Variants in RALGPS2 observed in about 807,000 individuals in gnomAD.
RALGPS2 encodes the protein ras-specific guanine nucleotide-releasing factor RalGPS2.
RALGPS2 carries 43 observed loss-of-function variants against 86.8 expected under a neutral mutation model. The ratio of observed to expected loss-of-function variants is 0.50; its 90% CI spans 0.39 to 0.64. The LOEUF is 0.64. RALGPS2 is among the 30% of genes least tolerant of loss of function. The pLI is 0.00. For missense variants in RALGPS2, 536 were observed against 694.6 expected (o/e 0.77, Z 2.57); for synonymous variants, 243 against 231.3 (o/e 1.05, Z -0.46).
intron 1 of RALGPS2, among the ~76,000 whole-genome samples, chr1:178,738,185 T>C (rs1396229307): frequency 6.6e-6 from 1 of 151,958 alleles, no homozygotes; most frequent in Non-Finnish European, 1.5e-5. Context: ...TCAGTTTTAT[T>C]TTCTAATAGA....
chr1:178,776,431 G>A (rs925826089), intron 1 of RALGPS2, among the ~76,000 whole-genome samples: 4 of 152,022 alleles, frequency 2.6e-5, no homozygotes, highest in African/African-American at 7.2e-5. Flanking sequence ...CCCACTTAGC[G>A]AAAAGTTATG....
intron 4 of RALGPS2, among the ~76,000 whole-genome samples, chr1:178,803,946 T>C (rs559958293): frequency 2.5e-4 from 38 of 152,306 alleles, no homozygotes; most frequent in Admixed American, 8.5e-4. Context: ...CTCCAGAGTA[T>C]CTTGAGTCTA....
chr1:178,730,291 T>A (rs1650263092), intron 1 of RALGPS2, among the ~76,000 whole-genome samples: 1 of 152,180 alleles, frequency 6.6e-6, no homozygotes, highest in Admixed American at 6.5e-5. Context: ...TCTGTTGGCT[T>A]TCTTCTGTGG....
intron 16 of RALGPS2, 48 bp downstream of exon 16, chr1:178,894,072 A>G (rs751573338): frequency 9.1e-7 from 1 of 1,094,316 alleles, no homozygotes; most frequent in Non-Finnish European, 1.3e-6. Context: ...AAAATATGCA[A>G]ATTTATAAGA....
At chr1:178,912,349 C>A (rs1660658833) in intron 19 of RALGPS2, among the ~76,000 whole-genome samples, 1 of 152,148 alleles carries the variant, frequency 6.6e-6, no homozygotes, top group Non-Finnish European at 1.5e-5. Context: ...ACATGTAGCA[C>A]TCCTTAAAGG....
chr1:178,750,014 G>A (rs912068960), intron 1 of RALGPS2, among the ~76,000 whole-genome samples: 3 of 152,128 alleles, frequency 2.0e-5, no homozygotes, highest in Admixed American at 2.0e-4. Context: ...GGAGGGCTGA[G>A]GTGGGAGGAT....
At chr1:178,759,434 A>G (rs114377382) in intron 1 of RALGPS2, among the ~76,000 whole-genome samples, 137 of 149,636 alleles carry the variant, frequency 9.2e-4, no homozygotes, top group Non-Finnish European at 1.7e-3. Context: ...CAATTGGTCT[A>G]TTTCTATGTT....
intron 1 of RALGPS2, among the ~76,000 whole-genome samples, chr1:178,771,526 T>C (rs1366593473): frequency 6.6e-6 from 1 of 152,190 alleles, no homozygotes; most frequent in South Asian, 2.1e-4. Context: ...ATAATTTTGA[T>C]GTACTCAGTT....
chr1:178,894,632 C>G (rs1190341354), intron 16 of RALGPS2, among the ~76,000 whole-genome samples: 1 of 151,970 alleles, frequency 6.6e-6, no homozygotes, highest in Non-Finnish European at 1.5e-5. Flanking sequence ...ATTTTAAAAC[C>G]TGTGAATTGT....
chr1:178,737,618 C>T lies in RALGPS2; in HGVS notation c.-84+12199C>T, dbSNP rs28693998. On this transcript the variant is annotated intron_variant, in intron 1 of 19. Coordinates refer to ENST00000367635, the MANE Select transcript of RALGPS2 (RefSeq NM_152663.5). The stretch of plus-strand genomic sequence containing the variant: ...CTACTGTGAGTCCTAGATAGCCTTT[C>T]CTATGTCAGAATATATTTTAAAATT... Among the ~76,000 whole-genome samples, 3 of 152,176 alleles carry T rather than the reference C, an allele frequency of 2.0e-5. No homozygotes were observed. In the South Asian group the frequency reaches 6.2e-4, roughly 32 times the overall value.
At chr1:178,805,792 T>G (rs1209597704) in intron 4 of RALGPS2, among the ~76,000 whole-genome samples, 1 of 152,192 alleles carries the variant, frequency 6.6e-6, no homozygotes, top group Non-Finnish European at 1.5e-5. Flanking sequence ...CAATTTTGAC[T>G]AAGTAACTAT....
At chr1:178,747,573 T>C (rs1651407026) in intron 1 of RALGPS2, 1 of 1,611,266 alleles carries the variant, frequency 6.2e-7, no homozygotes, top group Non-Finnish European at 8.5e-7. Context: ...CAGCATGTGT[T>C]AGGAAGTGGA....
At chr1:178,805,488 T>C (rs943160316) in intron 4 of RALGPS2, among the ~76,000 whole-genome samples, 3 of 151,548 alleles carry the variant, frequency 2.0e-5, no homozygotes, top group South Asian at 2.1e-4. Flanking sequence ...GTTTCAGCTT[T>C]CTACATATGG....
At chr1:178,855,979 AATAT>A (rs987034636) in intron 8 of RALGPS2, among the ~76,000 whole-genome samples, 1 of 148,424 alleles carries the variant, frequency 6.7e-6, no homozygotes, top group African/African-American at 2.5e-5. Context: ...ACAAAAAAGT[AATAT>A]ATATAAGAAC....
At chr1:178,889,576 C>A (rs10798635) in intron 13 of RALGPS2, 66 bp from the exon 14 acceptor site, 413,279 of 1,032,398 alleles carry the variant, frequency 0.4, 87,207 homozygotes, top group African/African-American at 0.66. Flanking sequence ...TTTATTTTTA[C>A]ATTGTGAAAT....
chr1:178,894,022 A>G lies in RALGPS2; in HGVS notation c.1429A>G (p.Thr477Ala). Residue 477 changes from threonine (T) to alanine (A), a missense_variant and splice_region_variant, in exon 16 of 20, where the codon ACA becomes GCA. By Grantham distance (58) the Thr-to-Ala change is moderately conservative. This residue lies in a region of RALGPS2 where 309 missense variants were observed against 363.0 expected (regional missense o/e 0.85). Coordinates refer to ENST00000367635, the MANE Select transcript of RALGPS2 (RefSeq NM_152663.5). The stretch of plus-strand genomic sequence containing the variant: ...TTTGTTAAAAGAAGGCAAAAAGCCT[A>G]CAGTAAGATTTCATCATATTATATT... Reference protein sequence around the residue: ...KTLLKEGKKPTVASWTKYWAA... With the variant: ...KTLLKEGKKPAVASWTKYWAA... The G allele has an allele frequency of 6.4e-7, 1 of 1,551,754 alleles. No homozygotes were observed. Among genetic ancestry groups the G allele is most frequent in the Non-Finnish European group, 8.9e-7 (1 of 1,128,706 alleles).
chr1:178,839,179 T>G (rs1259792145), intron 8 of RALGPS2, among the ~76,000 whole-genome samples: 1 of 152,066 alleles, frequency 6.6e-6, no homozygotes, highest in Non-Finnish European at 1.5e-5. Context: ...AAGATACTCC[T>G]CGAGAAGAGC....
intron 1 of RALGPS2, among the ~76,000 whole-genome samples, chr1:178,755,278 T>C (rs1651890481): frequency 6.6e-6 from 1 of 152,164 alleles, no homozygotes; most frequent in African/African-American, 2.4e-5. Flanking sequence ...GTATGATTGA[T>C]CCCATCACCT....
chr1:178,913,958 T>TG, intron 19 of RALGPS2, among the ~76,000 whole-genome samples: 1 of 152,262 alleles, frequency 6.6e-6, no homozygotes, highest in East Asian at 1.9e-4. Context: ...GGCAGGATGG[T>TG]GGGGGCCACT....
Sources: gnomAD v4.1 joint callset for allele counts (sites outside exome capture counted in the v4.1 genomes callset) on GRCh38, gnomAD v4.1.1 for gene constraint, gnomAD v4.1.1 regional missense constraint, MANE v1.5 for transcripts, NCBI Gene and HGNC (gene_info 2026-07-23, HGNC 2026-07-21) for gene names.